The following CHD8 variants were observed in gnomAD, a reference collection of about 807,000 sequenced individuals.
CHD8 encodes chromodomain helicase DNA binding protein 8, also known as ATP-dependent chromatin remodeler CHD8.
A neutral mutation model predicts 279.2 loss-of-function variants in CHD8; 31 were observed. That is an observed-to-expected ratio of 0.11 (90% confidence interval 0.08 to 0.15). CHD8 has a LOEUF of 0.15. Among genes scored for constraint, CHD8 ranks in the 10% least tolerant of loss-of-function variants. The pLI is 1.00. For synonymous variants in CHD8, 1,081 were observed against 1,139.6 expected (o/e 0.95, Z 1.04); for missense variants, 2,146 against 3,230.5 (o/e 0.66, Z 8.14).
Position 21,399,990 on chromosome 14 carries a change from G to A in CHD8, c.4808C>T (p.Ala1603Val), listed in dbSNP as rs184185033. The change falls in exon 25 of 38, where the codon GCG (alanine) becomes GTG (valine). Residue 1603 changes from alanine (A) to valine (V), a missense_variant. Ala to Val is a moderately conservative substitution (Grantham distance 64). Coordinates refer to ENST00000646647, the MANE Select transcript of CHD8 (RefSeq NM_001170629.2). Reference protein sequence around the residue: ...GDQAEKVLGGAIASEIDIWFP... With the variant: ...GDQAEKVLGGVIASEIDIWFP... Reference sequence around the variant, plus strand: ...TATAGCAGAATTTTACCTGGCAATCGCACCCCCTAACACCTTTTCTGCTTG... The same window carrying A: ...TATAGCAGAATTTTACCTGGCAATCACACCCCCTAACACCTTTTCTGCTTG... 184 of 1,612,334 alleles carry A rather than the reference G, an allele frequency of 1.1e-4. No individual in the cohort carries two copies. The highest frequency in any genetic ancestry group is 2.3e-4 in the South Asian group (21 of 91,016).
chr14:21,408,874 GT>G lies in CHD8; in HGVS notation c.2365-50del. On this transcript the variant is annotated intron_variant, in intron 11 of 37. Coordinates refer to ENST00000646647, the MANE Select transcript of CHD8 (RefSeq NM_001170629.2). This position sits in a 1 kb window ranked among gnomAD's most constrained non-coding sequence, Gnocchi z 4.3. ...AATGGAGTGGAGACATTATCAAAAG[GT>G]AAGACTTACTAGGTAAGTTCTAATA... 1 of 1,570,154 alleles carries G rather than the reference GT, an allele frequency of 6.4e-7. No homozygotes were observed.
intron 5 of CHD8, chr14:21,419,714 A>AC: frequency 1.4e-5 from 3 of 215,976 alleles, no homozygotes; most frequent in Non-Finnish European, 1.9e-5. Flanking sequence ...CTACAGGACA[A>AC]CCCCCCAGGG....
chr14:21,412,238 C>T (rs540081953), intron 10 of CHD8, among the ~76,000 whole-genome samples: 87 of 152,024 alleles, frequency 5.7e-4, no homozygotes, highest in African/African-American at 1.5e-3. Context: ...TTTTGCCTCC[C>T]GGGTTCAAGC....
At position 21,393,697 on chromosome 14, in the gene CHD8, C is replaced by T; in HGVS notation, c.6098G>A (p.Arg2033Lys). 6.2e-7 allele frequency: 1 copy of T among 1,614,018 alleles called. No individual in the cohort carries two copies. Among genetic ancestry groups the T allele is most frequent in the Non-Finnish European group, 8.5e-7 (1 of 1,179,894 alleles). The change falls in exon 32 of 38, where the codon AGG (arginine) becomes AAG (lysine). Residue 2033 changes from arginine to lysine, a missense_variant. Around this residue, in one of 26 missense-constraint regions of CHD8, gnomAD observed 513 missense variants for 637.6 expected, o/e 0.80. Transcript: ENST00000646647. ...ATAGTCTTGTGGGGTTGGTCGGCTC[C>T]TGGCCACCACCTCGTGCTCTAGCTT... ...TLKLEHEVVA[R>K]SRPTPQDYEM...
Position 21,400,500 on chromosome 14 carries a change from G to T in CHD8, c.4483C>A (p.Arg1495Ser). 1.2e-6 allele frequency: 2 copies of T among 1,613,040 alleles called. No homozygotes were observed. The highest frequency in any genetic ancestry group is 1.3e-5 in the African/African-American group (1 of 74,952). Reference protein sequence around the residue: ...AILVYCLLHYRGDENIKGFIW... With the variant: ...AILVYCLLHYSGDENIKGFIW... ...AAGCCTTTAATATTTTCATCCCCAC[G>T]GTAGTGTAGAAGACAGTACACGAGA... Residue 1495 changes from arginine to serine, a missense_variant, in exon 23 of 38, where the codon CGT becomes AGT. Arg to Ser is a moderately radical substitution (Grantham distance 110). Transcript: ENST00000646647. The surrounding 1 kb of genome is among the most constrained non-coding windows in gnomAD (Gnocchi z 4.2).
rs559597681 is a variant in CHD8 at position 21,422,638 on chromosome 14, A to AG, written c.1716+3489dup. ...CTGGGTAATTTATTTTAATAAAAAA[A>AG]GAAATGTAGCCAAGTGCAGTGGCTC... is the stretch of plus-strand genomic sequence containing the variant. On this transcript the variant is annotated intron_variant, in intron 5 of 37. Transcript: ENST00000646647. 5.3e-5 allele frequency among the ~76,000 whole-genome samples: 8 copies of AG among 152,340 alleles called. No individual in the cohort carries two copies. In the East Asian group the frequency reaches 1.3e-3, roughly 26 times the overall value.
intron 37 of CHD8, among the ~76,000 whole-genome samples, chr14:21,389,568 G>T (rs1489015370): frequency 6.6e-6 from 1 of 151,916 alleles, no homozygotes; most frequent in Non-Finnish European, 1.5e-5. Context: ...CTGAGATTGT[G>T]GCACTGCCCT....
intron 10 of CHD8, among the ~76,000 whole-genome samples, chr14:21,412,073 CA>C (rs201445081): frequency 6.8e-6 from 1 of 146,790 alleles, no homozygotes; most frequent in Non-Finnish European, 1.5e-5. Flanking sequence ...AAAAAAAAAC[CA>C]AAAAAAAAGA....
At chr14:21,444,645 C>G (rs1292067083) in intron 1 of CHD8, among the ~76,000 whole-genome samples, 1 of 152,132 alleles carries the variant, frequency 6.6e-6, no homozygotes, top group East Asian at 1.9e-4. Context: ...TTTTTTTTCC[C>G]ATGGCTTACA....
In CHD8 at chr14:21,399,722, G is replaced by C; in HGVS notation, c.4818-17C>G. The stretch of plus-strand genomic sequence containing the variant: ...TCAATCTCACTAAAGGTATAAGAGG[G>C]CAGAGTCAGCACAGAAATGCAGGAA... On this transcript the variant is annotated splice_polypyrimidine_tract_variant and intron_variant, in intron 25 of 37. Coordinates refer to ENST00000646647, the MANE Select transcript of CHD8 (RefSeq NM_001170629.2). The C allele has an allele frequency of 6.7e-7, 1 of 1,501,936 alleles. No homozygotes were observed. The highest frequency in any genetic ancestry group is 1.4e-5 in the African/African-American group (1 of 72,638). 93.0% of individuals were successfully genotyped at this position (1,501,936 alleles called of 1,614,324 possible). A position where few individuals can be genotyped will look rare whatever the true frequency, so the allele number is the denominator to read the frequency against.
chr14:21,403,789 G>GA lies in CHD8; in HGVS notation c.3308-127dup. 3.6e-6 allele frequency: 3 copies of GA among 833,126 alleles called. No individual in the cohort carries two copies. Among genetic ancestry groups the GA allele is most frequent in the Non-Finnish European group, 5.6e-6 (3 of 531,944 alleles). The allele number at this position is 833,126 out of a possible 1,614,324, so 51.6% of individuals were successfully genotyped here. A position where few individuals can be genotyped will look rare whatever the true frequency, so the allele number is the denominator to read the frequency against. On this transcript the variant is annotated intron_variant, in intron 16 of 37. Transcript: ENST00000646647. The surrounding 1 kb of genome is among the most constrained non-coding windows in gnomAD (Gnocchi z 4.3). ...TTAAGACCAACATTTCTCACACACA[G>GA]AATTTCAGCACAAAAAAGTCTTAAA...
At position 21,386,070 on chromosome 14, in the gene CHD8, A is replaced by T. The variant is rs1265391053; in HGVS notation, c.7289T>A (p.Met2430Lys). The change falls in exon 38 of 38, where the codon ATG becomes AAG. Residue 2430 changes from methionine to lysine, a missense_variant. Physicochemically the swap from Met to Lys is moderately conservative, Grantham distance 95. Transcript: ENST00000646647. ...RRMRPDLSKM[M>K]ALMQGGSTGS... ...AGTGCTTCCACCCTGCATGAGGGCC[A>T]TCATCTTAGAAAGGTCTGGTCGCAT... The T allele has an allele frequency of 2.5e-6, 4 of 1,584,124 alleles. No homozygotes were observed. The highest frequency in any genetic ancestry group is 3.4e-6 in the Non-Finnish European group (4 of 1,164,602).
chr14:21,388,773 C>T (rs781749681), intron 37 of CHD8, among the ~76,000 whole-genome samples: 7 of 147,370 alleles, frequency 4.7e-5, no homozygotes, highest in South Asian at 2.2e-4. Context: ...TAAGAGCCAC[C>T]GCACCTGGCT....
chr14:21,415,931 G>A (rs1023387729), intron 5 of CHD8, 24 bp from the exon 6 acceptor site: 3 of 1,600,354 alleles, frequency 1.9e-6, no homozygotes, highest in Admixed American at 1.7e-5. Context: ...AGTAGTTAGA[G>A]TGACTAGTTA....
At position 21,403,300 on chromosome 14, in the gene CHD8, A is replaced by T. The variant is rs970463820; in HGVS notation, c.3519-88T>A. 7.3e-7 allele frequency: 1 copy of T among 1,369,036 alleles called. No individual in the cohort carries two copies. The highest frequency in any genetic ancestry group is 1.0e-6 in the Non-Finnish European group (1 of 995,512). 84.8% of individuals were successfully genotyped at this position (1,369,036 alleles called of 1,614,324 possible). ...GGCTAGGATCAATACCAGTACTCCC[A>T]TATCAAAGCTGGTCAAAAACCCAAG... On this transcript the variant is annotated intron_variant, in intron 17 of 37. Transcript: ENST00000646647. The surrounding 1 kb of genome is among the most constrained non-coding windows in gnomAD (Gnocchi z 4.3).
chr14:21,410,868 T>C (rs1167483559), intron 10 of CHD8, among the ~76,000 whole-genome samples: 9 of 152,232 alleles, frequency 5.9e-5, no homozygotes, highest in Non-Finnish European at 1.0e-4. Context: ...TTTACCTTTT[T>C]CTTTATCATA....
At chr14:21,435,137 G>A (rs1213640633) in intron 1 of CHD8, among the ~76,000 whole-genome samples, 1 of 152,208 alleles carries the variant, frequency 6.6e-6, no homozygotes, top group African/African-American at 2.4e-5. Context: ...ACAAAACTTA[G>A]TGGTTGTACT....
chr14:21,415,492 T>TA, intron 7 of CHD8, 82 bp downstream of exon 7: 1 of 794,718 alleles, frequency 1.3e-6, no homozygotes, highest in Non-Finnish European at 1.7e-6. Flanking sequence ...GTAACACAGT[T>TA]AGACTCTATT....
At chr14:21,441,073 A>T (rs552065933) in intron 1 of CHD8, among the ~76,000 whole-genome samples, 2 of 152,142 alleles carry the variant, frequency 1.3e-5, no homozygotes, top group Non-Finnish European at 2.9e-5. Flanking sequence ...ATGCATGCAC[A>T]TGACCTAGGC....
Sources: allele counts gnomAD v4.1 joint callset (sites outside exome capture counted in the v4.1 genomes callset), GRCh38; gene constraint gnomAD v4.1.1; regional missense constraint gnomAD v4.1.1; non-coding constraint Gnocchi (gnomAD v3.1); transcripts MANE v1.5; gene names NCBI Gene and HGNC (gene_info 2026-07-23, HGNC 2026-07-21).